The following SMPD3 variants were observed in gnomAD, a reference collection of about 807,000 sequenced individuals.
SMPD3 encodes sphingomyelin phosphodiesterase 3.
Under a neutral mutation model 55.7 loss-of-function variants are expected in SMPD3, and 21 were observed. That is an observed-to-expected ratio of 0.38 (90% CI 0.27 to 0.54). The LOEUF is 0.54. Ranked by LOEUF, SMPD3 falls within the 20% of genes least tolerant of loss-of-function variation. SMPD3 has a pLI of 0.80. For synonymous variants in SMPD3, 457 were observed against 404.3 expected (o/e 1.13, Z -1.56); for missense variants, 842 against 899.6 (o/e 0.94, Z 0.82).
chr16:68,371,736 G>C lies in SMPD3; in HGVS notation c.446C>G (p.Ala149Gly). 1.9e-5 allele frequency: 31 copies of C among 1,609,254 alleles called. No homozygotes were observed. The highest frequency in any genetic ancestry group is 2.5e-5 in the Non-Finnish European group (30 of 1,177,332). Residue 149 changes from alanine to glycine, a missense_variant, in exon 3 of 9, where the codon GCG becomes GGG. Ala to Gly is a moderately conservative substitution (Grantham distance 60, BLOSUM62 0). Around this residue, in one of 2 missense-constraint regions of SMPD3, gnomAD observed 193 missense variants for 256.0 expected, o/e 0.75. Transcript: ENST00000219334. ...TCTCTGCCCGATCTCCTTGGCCCGC[G>C]CTTGGGTGTTAAAAAGGTTGTTGAC... The part of the protein sequence containing the change: ...ARVNNLFNTQ[A>G]RAKEIGQRIR...
intron 2 of SMPD3, among the ~76,000 whole-genome samples, 171 bp from the exon 3 acceptor site, chr16:68,372,558 C>T (rs1347564160): frequency 2.6e-5 from 4 of 152,214 alleles, no homozygotes; most frequent in Non-Finnish European, 4.4e-5. Context: ...AGACAGCCCC[C>T]GCACACCGCT....
intron 2 of SMPD3, among the ~76,000 whole-genome samples, chr16:68,378,492 C>G (rs1365406725): frequency 1.3e-5 from 2 of 152,164 alleles, no homozygotes; most frequent in Non-Finnish European, 2.9e-5. Flanking sequence ...ACAGGTGTGC[C>G]AGGTAAATGC....
intron 1 of SMPD3, among the ~76,000 whole-genome samples, chr16:68,398,295 A>G (rs2090177345): frequency 6.6e-6 from 1 of 152,216 alleles, no homozygotes; most frequent in African/African-American, 2.4e-5. Context: ...CGCTGTTTTT[A>G]TGTAGTTCTC....
intron 7 of SMPD3, among the ~76,000 whole-genome samples, chr16:68,362,452 T>C (rs981605247): frequency 2.0e-5 from 3 of 152,214 alleles, no homozygotes; most frequent in Admixed American, 2.0e-4. Context: ...ACAAGCAGTA[T>C]GCCCGTCTGC....
At chr16:68,437,856 C>G (rs999422153) in intron 1 of SMPD3, among the ~76,000 whole-genome samples, 1 of 152,198 alleles carries the variant, frequency 6.6e-6, no homozygotes. Flanking sequence ...TTCCTTCTAA[C>G]CAGCCTAAGG....
chr16:68,397,778 G>A (rs1050714891), intron 1 of SMPD3, among the ~76,000 whole-genome samples: 5 of 152,142 alleles, frequency 3.3e-5, no homozygotes, highest in Non-Finnish European at 5.9e-5. Context: ...GGGGGCGGGG[G>A]GTGGTCTCTT....
rs1017002136 is a variant in SMPD3, at chr16:68,371,162, G to T, written c.1020C>A (p.His340Gln). 1.2e-6 allele frequency: 2 copies of T among 1,613,370 alleles called. No homozygotes were observed. The highest frequency in any genetic ancestry group is 1.7e-6 in the Non-Finnish European group (2 of 1,180,006). The change falls in exon 3 of 9, where the codon CAC (histidine) becomes CAA (glutamine). Residue 340 changes from histidine to glutamine, a missense_variant. By Grantham distance (24) the His-to-Gln change is conservative. Coordinates refer to ENST00000219334, the MANE Select transcript of SMPD3 (RefSeq NM_018667.4). The part of the protein sequence containing the change: ...VKKAAARRRR[H>Q]PDEAFDHEVS... ...CCTCATGGTCGAAGGCCTCGTCGGG[G>T]TGCCGCCTCCTGCGTGCAGCCGCCT...
chr16:68,398,240 A>G lies in SMPD3; in HGVS notation c.-268-11581T>C, dbSNP rs549504907. 2.7e-4 allele frequency among the ~76,000 whole-genome samples: 41 copies of G among 152,332 alleles called. 2 individuals are homozygous for G. The South Asian group carries it at 6.2e-3, about 23-fold the overall frequency. On this transcript the variant is annotated intron_variant, in intron 1 of 8. Transcript: ENST00000219334. ...TGAGGAAAGAAGAGCCAAAAAGAGC[A>G]CTTGGGAAGGGAGGAAGTTCACAGA...
At chr16:68,426,327 A>G (rs890285769) in intron 1 of SMPD3, among the ~76,000 whole-genome samples, 7 of 152,198 alleles carry the variant, frequency 4.6e-5, no homozygotes, top group Non-Finnish European at 7.3e-5. Context: ...AACCCCATTT[A>G]TTATGTCATT....
At chr16:68,415,406 C>T (rs896087298) in intron 1 of SMPD3, among the ~76,000 whole-genome samples, 1 of 152,140 alleles carries the variant, frequency 6.6e-6, no homozygotes, top group Non-Finnish European at 1.5e-5. Context: ...GGGAATTCTG[C>T]CCGTTCAGCA....
chr16:68,378,720 C>T (rs943835838), intron 2 of SMPD3, among the ~76,000 whole-genome samples: 2 of 152,164 alleles, frequency 1.3e-5, no homozygotes, highest in African/African-American at 2.4e-5. Flanking sequence ...CACTCAGCAC[C>T]AGCCCTCCTG....
intron 3 of SMPD3, chr16:68,368,532 G>A (rs974780797): frequency 5.9e-5 from 9 of 153,188 alleles, no homozygotes; most frequent in African/African-American, 1.7e-4. Flanking sequence ...AGTGAGCTAG[G>A]GGCCTGGAAT....
Position 68,447,363 on chromosome 16 carries a change from AC to A in SMPD3, c.-269+989del, listed in dbSNP as rs1318013009. ...GGAGACCCGCCCCGTCCCGCTCTGT[AC>A]ATGCCCATCTGGGATTGGCCCCCAG... On this transcript the variant is annotated intron_variant, in intron 1 of 8. Transcript: ENST00000219334. This position sits in a 1 kb window ranked among gnomAD's most constrained non-coding sequence, Gnocchi z 5.1. Among the ~76,000 whole-genome samples the A allele has an allele frequency of 1.3e-5, 2 of 152,054 alleles. No individual in the cohort carries two copies. Among genetic ancestry groups the A allele is most frequent in the African/African-American group, 4.8e-5 (2 of 41,396 alleles).
intron 1 of SMPD3, among the ~76,000 whole-genome samples, chr16:68,445,504 T>G (rs1208561765): frequency 6.6e-6 from 1 of 152,168 alleles, no homozygotes; most frequent in Non-Finnish European, 1.5e-5. Context: ...GAACATCAAC[T>G]CAACACTCTG....
chr16:68,410,593 A>G (rs1248928050), intron 1 of SMPD3, among the ~76,000 whole-genome samples: 1 of 152,218 alleles, frequency 6.6e-6, no homozygotes, highest in East Asian at 1.9e-4. Context: ...AGGCTCATTA[A>G]AAAGCTGTAA....
chr16:68,433,970 T>A (rs979860249), intron 1 of SMPD3, among the ~76,000 whole-genome samples: 1 of 152,228 alleles, frequency 6.6e-6, no homozygotes, highest in African/African-American at 2.4e-5. Context: ...TTTCAACCTT[T>A]CTAAACATAC....
In SMPD3 at chr16:68,440,006, T is replaced by C. The variant is rs550069904; in HGVS notation, c.-269+8347A>G. Among the ~76,000 whole-genome samples, 3 of 152,328 alleles carry C rather than the reference T, an allele frequency of 2.0e-5. No individual in the cohort carries two copies. In the East Asian group the frequency reaches 5.8e-4, roughly 29 times the overall value. ...CAGGAAAGAGCCTCATGTGTGTTAA[T>C]TGGACAGAGAAGAACATGAAAGATT... On this transcript the variant is annotated intron_variant, in intron 1 of 8. Coordinates refer to ENST00000219334, the MANE Select transcript of SMPD3 (RefSeq NM_018667.4).
intron 1 of SMPD3, among the ~76,000 whole-genome samples, chr16:68,400,134 A>G (rs2090193588): frequency 6.6e-6 from 1 of 152,230 alleles, no homozygotes; most frequent in South Asian, 2.1e-4. Flanking sequence ...TTCTCAATCC[A>G]TCCTGCCACA....
At chr16:68,368,835 T>A (rs1293529731) in intron 3 of SMPD3, 1 of 152,178 alleles carries the variant, frequency 6.6e-6, no homozygotes, top group East Asian at 1.9e-4. Flanking sequence ...TCCAGCTCAC[T>A]GCAGCCGCGT....
Sources: gnomAD v4.1 joint callset for allele counts (sites outside exome capture counted in the v4.1 genomes callset) on GRCh38, gnomAD v4.1.1 for gene constraint, gnomAD v4.1.1 regional missense constraint, Gnocchi (gnomAD v3.1) non-coding constraint, MANE v1.5 for transcripts, NCBI Gene and HGNC (gene_info 2026-07-23, HGNC 2026-07-21) for gene names.